FGF7: variants seen among roughly 807,000 people sequenced by gnomAD.
FGF7 encodes FGF-7.
Under a neutral mutation model 20.5 loss-of-function variants are expected in FGF7, and 6 were observed. That is an observed-to-expected ratio of 0.29 (90% CI 0.16 to 0.58). The LOEUF (loss-of-function observed/expected upper bound fraction) is 0.58. Among genes scored for constraint, FGF7 ranks in the 20% least tolerant of loss-of-function variants. The pLI is 0.90. For synonymous variants in FGF7, 64 were observed against 74.7 expected (o/e 0.86, Z 0.74); for missense variants, 144 against 228.8 (o/e 0.63, Z 2.39).
chr15:49,463,906 C>T (rs1337142768), intron 2 of FGF7, among the ~76,000 whole-genome samples: 1 of 149,832 alleles, frequency 6.7e-6, no homozygotes, highest in Non-Finnish European at 1.5e-5. Context: ...TTTGATGTGG[C>T]TCAACAAACA....
Position 49,482,575 on chromosome 15 carries a change from T to C in FGF7, c.287-576T>C, listed in dbSNP as rs188554518. Among the ~76,000 whole-genome samples the C allele has an allele frequency of 2.0e-5, 3 of 152,182 alleles. No homozygotes were observed. The East Asian group carries it at 5.8e-4, about 29-fold the overall frequency. On this transcript the variant is annotated intron_variant, in intron 2 of 3. Transcript: ENST00000267843. ...TCAAGAGCTATTCTGTTGGCAATAA[T>C]TTTTAAGATAAAGTTTATCCAAATA...
intron 2 of FGF7, among the ~76,000 whole-genome samples, chr15:49,443,194 A>G (rs2051837009): frequency 6.6e-6 from 1 of 151,760 alleles, no homozygotes; most frequent in African/African-American, 2.4e-5. Context: ...CCATTATTAA[A>G]CATTTAATTA....
At chr15:49,430,221 G>A (rs1166507458) in intron 2 of FGF7, among the ~76,000 whole-genome samples, 3 of 151,864 alleles carry the variant, frequency 2.0e-5, no homozygotes, top group Non-Finnish European at 2.9e-5. Context: ...TTAGCTGCAG[G>A]GAAGAATAGG....
intron 2 of FGF7, among the ~76,000 whole-genome samples, chr15:49,430,469 G>T (rs1365860191): frequency 6.6e-6 from 1 of 151,846 alleles, no homozygotes; most frequent in East Asian, 2.0e-4. Context: ...AGGAAACCCA[G>T]GGGGAGAGAA....
chr15:49,437,212 C>T (rs1726437654), intron 2 of FGF7, among the ~76,000 whole-genome samples: 2 of 151,352 alleles, frequency 1.3e-5, no homozygotes, highest in African/African-American at 4.8e-5. Context: ...TTCAGATAAT[C>T]TCAGATAACT....
chr15:49,429,892 A>G (rs1221923807), intron 2 of FGF7, among the ~76,000 whole-genome samples: 1 of 151,912 alleles, frequency 6.6e-6, no homozygotes, highest in African/African-American at 2.4e-5. Flanking sequence ...AAGTTCTCCA[A>G]TGATTCTAAA....
intron 2 of FGF7, among the ~76,000 whole-genome samples, chr15:49,474,436 A>T (rs1030230234): frequency 5.9e-5 from 9 of 152,204 alleles, no homozygotes; most frequent in African/African-American, 2.2e-4. Flanking sequence ...TGTAAATGTA[A>T]TGAACCACCT....
At chr15:49,438,795 G>A (rs1429128989) in intron 2 of FGF7, among the ~76,000 whole-genome samples, 1 of 151,302 alleles carries the variant, frequency 6.6e-6, no homozygotes, top group African/African-American at 2.4e-5. Context: ...TTCTTGAATA[G>A]ATTACAGTTG....
At chr15:49,438,710 G>C (rs113123071) in intron 2 of FGF7, among the ~76,000 whole-genome samples, 3,677 of 151,676 alleles carry the variant, frequency 0.024, 115 homozygotes, top group South Asian at 0.15. Flanking sequence ...TGGGCAAATA[G>C]TTGACTCTCC....
chr15:49,438,820 T>C lies in FGF7; in HGVS notation c.286+14237T>C, dbSNP rs192101115. Among the ~76,000 whole-genome samples, 741 of 133,468 alleles carry C rather than the reference T, an allele frequency of 5.6e-3. 5 individuals carry two copies. The highest frequency in any genetic ancestry group is 0.019 in the African/African-American group (709 of 37,722). The allele number at this position is 133,468 out of a possible 152,430, so 87.6% of individuals were successfully genotyped here. A position where few individuals can be genotyped will look rare whatever the true frequency, so the allele number is the denominator to read the frequency against. On this transcript the variant is annotated intron_variant, in intron 2 of 3. Transcript: ENST00000267843. ...GATTACAGTTGTTAAATGTTACCAA[T>C]AGTGCTAAGCAACTGAGAGAGAGAG...
intron 2 of FGF7, among the ~76,000 whole-genome samples, chr15:49,467,500 G>C (rs1435467852): frequency 6.6e-6 from 1 of 152,052 alleles, no homozygotes; most frequent in Non-Finnish European, 1.5e-5. Context: ...AGATATTTTA[G>C]ACTTTAGGAA....
chr15:49,483,233 G>A lies in FGF7; in HGVS notation c.369G>A (p.Lys123=). ...VESEFYLAMN[K]EGKLYAKKEC... ...GTGAATTCTATCTTGCAATGAACAAGGAAGGAAAACTCTATGCAAAGGTAT... is the reference window on the plus strand; with the variant it reads ...GTGAATTCTATCTTGCAATGAACAAAGAAGGAAAACTCTATGCAAAGGTAT... Residue 123 remains lysine, a synonymous_variant, in exon 3 of 4, where the codon AAG becomes AAA. Transcript: ENST00000267843. 1 of 1,579,176 alleles carries A rather than the reference G, an allele frequency of 6.3e-7. No individual in the cohort carries two copies. The highest frequency in any genetic ancestry group is 2.3e-4 in the Middle Eastern group (1 of 4,410).
At chr15:49,477,028 C>A (rs1462844191) in intron 2 of FGF7, among the ~76,000 whole-genome samples, 1 of 150,996 alleles carries the variant, frequency 6.6e-6, no homozygotes, top group Non-Finnish European at 1.5e-5. Flanking sequence ...CCACTGCACT[C>A]CAGCCTGGGC....
chr15:49,437,484 T>G (rs2051211724), intron 2 of FGF7, among the ~76,000 whole-genome samples: 1 of 151,670 alleles, frequency 6.6e-6, no homozygotes, highest in Non-Finnish European at 1.5e-5. Context: ...GATGAATTAA[T>G]CCAAAGATAG....
At chr15:49,472,235 C>T (rs1227846624) in intron 2 of FGF7, among the ~76,000 whole-genome samples, 1 of 152,116 alleles carries the variant, frequency 6.6e-6, no homozygotes, top group Non-Finnish European at 1.5e-5. Context: ...TTTCTCCATG[C>T]AATAAACATC....
chr15:49,437,820 A>T (rs1224129684), intron 2 of FGF7, among the ~76,000 whole-genome samples: 1 of 151,700 alleles, frequency 6.6e-6, no homozygotes, highest in East Asian at 1.9e-4. Flanking sequence ...CAAAGAGTCA[A>T]TTTCAGTAGA....
rs180770102 is a variant in FGF7 at position 49,441,839 on chromosome 15, T to C, written c.286+17256T>C. The stretch of plus-strand genomic sequence containing the variant: ...GAATTCCTATCAGTCACATGACTAA[T>C]TGCATACAGTGTTTCTCAGTGGTCA... On this transcript the variant is annotated intron_variant, in intron 2 of 3. Coordinates refer to ENST00000267843, the MANE Select transcript of FGF7 (RefSeq NM_002009.4). Among the ~76,000 whole-genome samples the C allele has an allele frequency of 3.4e-4, 52 of 151,774 alleles. 1 individual carries two copies. Among genetic ancestry groups the C allele is most frequent in the East Asian group, 2.0e-4 (1 of 5,126 alleles).
rs1249300513 is a variant in FGF7, at chr15:49,465,465, C to A, written c.287-17686C>A. ...TCTTAAAGTGTTAATGTGTTAGGAG[C>A]AAGATAGATAAATAGATATGCTATC... On this transcript the variant is annotated intron_variant, in intron 2 of 3. Coordinates refer to ENST00000267843, the MANE Select transcript of FGF7 (RefSeq NM_002009.4). Among the ~76,000 whole-genome samples the A allele has an allele frequency of 2.0e-5, 3 of 151,832 alleles. No individual in the cohort carries two copies. The East Asian group carries it at 5.8e-4, about 29-fold the overall frequency.
At chr15:49,452,442 C>T (rs1405718422) in intron 2 of FGF7, among the ~76,000 whole-genome samples, 1 of 152,034 alleles carries the variant, frequency 6.6e-6, no homozygotes, top group East Asian at 1.9e-4. Flanking sequence ...TCTATACTTG[C>T]TATGGGAAAA....
Sources: allele counts gnomAD v4.1 joint callset (sites outside exome capture counted in the v4.1 genomes callset), GRCh38; gene constraint gnomAD v4.1.1; transcripts MANE v1.5; gene names NCBI Gene and HGNC (gene_info 2026-07-23, HGNC 2026-07-21).